Variants in MCTP1 observed in about 807,000 individuals in gnomAD.
MCTP1 encodes multiple C2 and transmembrane domain-containing protein 1.
A neutral mutation model predicts 120.6 loss-of-function variants in MCTP1; 69 were observed. The ratio of observed to expected loss-of-function variants is 0.57; its 90% CI spans 0.47 to 0.70. The LOEUF is 0.70. Ranked by LOEUF, MCTP1 falls within the 30% of genes least tolerant of loss-of-function variation. MCTP1 has a pLI of 0.00. For synonymous variants in MCTP1, 529 were observed against 493.1 expected (o/e 1.07, Z -0.96); for missense variants, 1,203 against 1,248.8 (o/e 0.96, Z 0.55).
intron 19 of MCTP1, among the ~76,000 whole-genome samples, chr5:94,719,021 CA>C (rs1352354089): frequency 6.6e-6 from 1 of 151,686 alleles, no homozygotes; most frequent in African/African-American, 2.4e-5. Flanking sequence ...GTGCACAGCC[CA>C]AAAGACATTT....
chr5:95,197,548 T>C (rs922058932), intron 1 of MCTP1, among the ~76,000 whole-genome samples: 1 of 152,124 alleles, frequency 6.6e-6, no homozygotes, highest in Admixed American at 6.5e-5. Context: ...ACTAACACAG[T>C]AAGATCTCTA....
intron 2 of MCTP1, among the ~76,000 whole-genome samples, chr5:94,973,907 C>G (rs944674296): frequency 3.3e-5 from 5 of 151,984 alleles, no homozygotes; most frequent in African/African-American, 1.2e-4. Context: ...GCTGTGTGGA[C>G]TTGCACAAGT....
At chr5:95,268,397 C>G (rs1759080355) in intron 1 of MCTP1, among the ~76,000 whole-genome samples, 1 of 152,188 alleles carries the variant, frequency 6.6e-6, no homozygotes, top group Admixed American at 6.5e-5. Context: ...ACTGAATATT[C>G]TCCCCATTCC....
chr5:94,750,110 T>TG (rs1767940671), intron 19 of MCTP1, among the ~76,000 whole-genome samples: 1 of 152,202 alleles, frequency 6.6e-6, no homozygotes, highest in South Asian at 2.1e-4. Flanking sequence ...TCCAGTCCCT[T>TG]GTTCCCTTTC....
At chr5:95,100,442 C>G (rs1264076160) in intron 1 of MCTP1, among the ~76,000 whole-genome samples, 3 of 152,000 alleles carry the variant, frequency 2.0e-5, no homozygotes, top group African/African-American at 7.2e-5. Context: ...ACTTGGTCCT[C>G]TTCTTATAGC....
At chr5:95,130,306 G>A (rs1582316179) in intron 1 of MCTP1, among the ~76,000 whole-genome samples, 2 of 152,234 alleles carry the variant, frequency 1.3e-5, no homozygotes, top group Admixed American at 1.3e-4. Flanking sequence ...TGGAATCTTT[G>A]AGGTAAATGA....
intron 1 of MCTP1, among the ~76,000 whole-genome samples, chr5:95,092,242 A>T (rs1052995415): frequency 5.9e-5 from 9 of 152,224 alleles, no homozygotes; most frequent in African/African-American, 2.2e-4. Context: ...GAGCTAAAGA[A>T]AAAACTGTTA....
chr5:95,201,756 C>T (rs13170339), intron 1 of MCTP1, among the ~76,000 whole-genome samples: 16 of 152,076 alleles, frequency 1.1e-4, no homozygotes, highest in African/African-American at 3.4e-4. Context: ...CCATCCGCCT[C>T]GGCCTCCCAA....
intron 19 of MCTP1, among the ~76,000 whole-genome samples, chr5:94,753,771 G>C (rs1490032690): frequency 6.6e-6 from 1 of 152,182 alleles, no homozygotes; most frequent in Non-Finnish European, 1.5e-5. Context: ...ATATGCAGAA[G>C]GGCCTGGATC....
In MCTP1 at chr5:94,932,046, C is replaced by G. The variant is rs528836203; in HGVS notation, c.1174-55G>C. 13 of 1,258,388 alleles carry G rather than the reference C, an allele frequency of 1.0e-5. No individual in the cohort carries two copies. The East Asian group carries it at 2.6e-4, about 25-fold the overall frequency. The allele number at this position is 1,258,388 out of a possible 1,614,324, so 78.0% of individuals were successfully genotyped here. A position where few individuals can be genotyped will look rare whatever the true frequency, so the allele number is the denominator to read the frequency against. ...CTTTTCACTCAAGAACAGAATAGGG[C>G]AGCCAGTTGTTTTTTAGCGGAAACA... On this transcript the variant is annotated intron_variant, in intron 5 of 22. Transcript: ENST00000515393.
chr5:95,284,762 C>A lies in MCTP1; in HGVS notation c.-187G>T, dbSNP rs1019863019. Among the ~76,000 whole-genome samples, 30 of 152,086 alleles carry A rather than the reference C, an allele frequency of 2.0e-4. No individual in the cohort carries two copies. The highest frequency in any genetic ancestry group is 6.3e-4 in the African/African-American group (26 of 41,534). On this transcript the variant is annotated 5_prime_UTR_variant, in exon 1 of 23. Coordinates refer to ENST00000515393, the MANE Select transcript of MCTP1 (RefSeq NM_024717.7). This position sits in a 1 kb window ranked among gnomAD's most constrained non-coding sequence, Gnocchi z 5.2. Reference sequence around the variant, plus strand: ...GGCCAGCTCGGGGGAAAGAAGCGGCCGCCGCCGCCGAGGCTCTCTGGCCTC... The same window carrying A: ...GGCCAGCTCGGGGGAAAGAAGCGGCAGCCGCCGCCGAGGCTCTCTGGCCTC...
At chr5:95,007,886 T>C (rs1480038371) in intron 2 of MCTP1, among the ~76,000 whole-genome samples, 2 of 152,180 alleles carry the variant, frequency 1.3e-5, no homozygotes, top group Non-Finnish European at 2.9e-5. Context: ...CTTGAAGAGT[T>C]TCAGAGTGGA....
chr5:95,275,359 G>A (rs778710335), intron 1 of MCTP1, among the ~76,000 whole-genome samples: 1 of 152,156 alleles, frequency 6.6e-6, no homozygotes, highest in African/African-American at 2.4e-5. Context: ...TCTTTCCCAG[G>A]TGCCAGTATT....
chr5:94,803,554 A>G (rs1781630835), intron 17 of MCTP1, among the ~76,000 whole-genome samples: 1 of 152,228 alleles, frequency 6.6e-6, no homozygotes, highest in African/African-American at 2.4e-5. Context: ...AGAAGCAATT[A>G]AGCCGATGCT....
chr5:95,031,419 C>G (rs1288204927), intron 1 of MCTP1, among the ~76,000 whole-genome samples: 2 of 152,142 alleles, frequency 1.3e-5, no homozygotes, highest in African/African-American at 4.8e-5. Flanking sequence ...GAAATCCCAT[C>G]AAACTAACAG....
chr5:95,273,166 T>C (rs1759545521), intron 1 of MCTP1, among the ~76,000 whole-genome samples: 1 of 152,346 alleles, frequency 6.6e-6, no homozygotes, highest in African/African-American at 2.4e-5. Context: ...TTGGAAAACA[T>C]CTGGAGTCCC....
chr5:95,210,757 T>G (rs1284119285), intron 1 of MCTP1, among the ~76,000 whole-genome samples: 2 of 152,172 alleles, frequency 1.3e-5, no homozygotes, highest in African/African-American at 4.8e-5. Context: ...TTCACGCAGT[T>G]TCTTCCTAGT....
intron 1 of MCTP1, among the ~76,000 whole-genome samples, chr5:95,086,402 T>C (rs1024027267): frequency 1.3e-5 from 2 of 152,204 alleles, no homozygotes; most frequent in Non-Finnish European, 2.9e-5. Context: ...CCAGAGGTTG[T>C]GCTGAGGCAT....
chr5:94,950,663 A>G (rs1211696282), intron 3 of MCTP1, among the ~76,000 whole-genome samples: 1 of 152,060 alleles, frequency 6.6e-6, no homozygotes, highest in Non-Finnish European at 1.5e-5. Flanking sequence ...CCACAATTTA[A>G]AAAATTTTGG....
Sources: gnomAD v4.1 joint callset for allele counts (sites outside exome capture counted in the v4.1 genomes callset) on GRCh38, gnomAD v4.1.1 for gene constraint, Gnocchi (gnomAD v3.1) non-coding constraint, MANE v1.5 for transcripts, NCBI Gene and HGNC (gene_info 2026-07-23, HGNC 2026-07-21) for gene names.